PLXND1: variants seen among roughly 807,000 people sequenced by gnomAD.
PLXND1 encodes plexin-D1.
PLXND1 carries 54 observed loss-of-function variants against 197.7 expected under a neutral mutation model. That is an observed-to-expected ratio of 0.27 (90% CI 0.22 to 0.34). The LOEUF (loss-of-function observed/expected upper bound fraction) is 0.34, where lower values mean the gene tolerates loss of function less well. PLXND1 is among the 10% of genes least tolerant of loss of function. The pLI is 1.00. For synonymous variants in PLXND1, 1,180 were observed against 1,161.2 expected (o/e 1.02, Z -0.33); for missense variants, 2,127 against 2,699.2 (o/e 0.79, Z 4.70).
In PLXND1 at chr3:129,558,502, T is replaced by C; in HGVS notation, c.5371A>G (p.Ile1791Val). The C allele has an allele frequency of 1.2e-6, 2 of 1,613,970 alleles. No individual in the cohort carries two copies. Among genetic ancestry groups the C allele is most frequent in the South Asian group, 1.1e-5 (1 of 91,084 alleles). ...FVFDIDKTDH[I>V]DACLSVIAQA... Reference sequence around the variant, plus strand: ...GCGATGACTGAAAGGCAGGCGTCGATGTGGTCTGTCTTGTCGATGTCAAAG... The same window carrying C: ...GCGATGACTGAAAGGCAGGCGTCGACGTGGTCTGTCTTGTCGATGTCAAAG... The change falls in exon 33 of 36, where the codon ATC (isoleucine) becomes GTC (valine). Residue 1791 changes from isoleucine (I) to valine (V), a missense_variant. By Grantham distance (29) the Ile-to-Val change is conservative. This residue lies in a region of PLXND1 where 200 missense variants were observed against 303.3 expected (regional missense o/e 0.66). Coordinates refer to ENST00000324093, the MANE Select transcript of PLXND1 (RefSeq NM_015103.3). This position sits in a 1 kb window ranked among gnomAD's most constrained non-coding sequence, Gnocchi z 4.1.
Position 129,577,441 on chromosome 3 carries a change from T to A in PLXND1, c.2346+888A>T, listed in dbSNP as rs1385551261. 7.0e-6 allele frequency among the ~76,000 whole-genome samples: 1 copy of A among 142,748 alleles called. No individual in the cohort carries two copies. The highest frequency in any genetic ancestry group is 1.5e-5 in the Non-Finnish European group (1 of 64,940). 93.6% of individuals were successfully genotyped at this position (142,748 alleles called of 152,430 possible). On this transcript the variant is annotated intron_variant, in intron 9 of 35. Transcript: ENST00000324093. This position sits in a 1 kb window ranked among gnomAD's most constrained non-coding sequence, Gnocchi z 5.0. ...CCCCCTGGCTGATCCTGGAGGCGCT[T>A]GCCCCAACTCCTGCAGGGTGGGGCT...
chr3:129,572,426 C>CTGG (rs1203716635), intron 15 of PLXND1, among the ~76,000 whole-genome samples, 183 bp downstream of exon 15: 1 of 152,262 alleles, frequency 6.6e-6, no homozygotes, highest in Admixed American at 6.5e-5. Flanking sequence ...CTTCCAATTA[C>CTGG]TGGTACTATT....
intron 1 of PLXND1, among the ~76,000 whole-genome samples, chr3:129,599,634 C>T (rs897809620): frequency 2.6e-5 from 4 of 152,238 alleles, no homozygotes; most frequent in African/African-American, 9.6e-5. Context: ...CAGACAAATG[C>T]AACTAGAAGT....
chr3:129,567,713 C>T lies in PLXND1; in HGVS notation c.3958G>A (p.Glu1320Lys). Residue 1320 changes from glutamate (E) to lysine (K), a missense_variant, in exon 21 of 36, where the codon GAG (glutamate) becomes AAG (lysine). By Grantham distance (56) the Glu-to-Lys change is moderately conservative. Coordinates refer to ENST00000324093, the MANE Select transcript of PLXND1 (RefSeq NM_015103.3). ...CGCCCACTACCTTTGCGGATTTCCT[C>T]TCGGATCTGAGATTCCATCTCCTCC... is the stretch of plus-strand genomic sequence containing the variant. ...QMEEMESQIR[E>K]EIRKGFAELQ... 1 of 1,611,004 alleles carries T rather than the reference C, an allele frequency of 6.2e-7. No homozygotes were observed. Among genetic ancestry groups the T allele is most frequent in the Non-Finnish European group, 8.5e-7 (1 of 1,177,124 alleles).
chr3:129,556,205 G>A lies in PLXND1; in HGVS notation c.*107C>T. ...TCCTGCCCCCGCCCCAGCCGTCTCT[G>A]CTCAGTATTTCCCAGTCTGAGTCAC... is the stretch of plus-strand genomic sequence containing the variant. On this transcript the variant is annotated 3_prime_UTR_variant, in exon 36 of 36. Coordinates refer to ENST00000324093, the MANE Select transcript of PLXND1 (RefSeq NM_015103.3). 1.2e-6 allele frequency: 1 copy of A among 824,906 alleles called. No individual in the cohort carries two copies. Among genetic ancestry groups the A allele is most frequent in the Admixed American group, 1.8e-5 (1 of 54,706 alleles). The allele number at this position is 824,906 out of a possible 1,614,324, so 51.1% of individuals were successfully genotyped here.
intron 24 of PLXND1, 108 bp from the exon 25 acceptor site, chr3:129,565,646 G>C (rs1332435165): frequency 9.7e-7 from 1 of 1,032,480 alleles, no homozygotes; most frequent in Non-Finnish European, 1.4e-6. Context: ...AGGAGTGCCT[G>C]TGTGGGTGGG....
At chr3:129,588,616 T>C (rs1346590487) in intron 2 of PLXND1, among the ~76,000 whole-genome samples, 1 of 152,228 alleles carries the variant, frequency 6.6e-6, no homozygotes. Flanking sequence ...TGGGGGGGAC[T>C]TGGGTGATCA....
Position 129,562,932 on chromosome 3 carries a change from C to G in PLXND1, c.4680G>C (p.Val1560=). 1 of 1,603,604 alleles carries G rather than the reference C, an allele frequency of 6.2e-7. No individual in the cohort carries two copies. The highest frequency in any genetic ancestry group is 8.5e-7 in the Non-Finnish European group (1 of 1,171,108). ...NIEAKPRNLN[V]SFQGCGMDSL... is the part of the protein sequence containing the mutation. ...AGTCCATGCCACAGCCCTGGAAGGACACGTTCAGGTTCTGCAGGGGGAGAG... is the reference window on the plus strand; with the variant it reads ...AGTCCATGCCACAGCCCTGGAAGGAGACGTTCAGGTTCTGCAGGGGGAGAG... Residue 1560 remains valine (V), a synonymous_variant, in exon 27 of 36, where the codon GTG becomes GTC. Coordinates refer to ENST00000324093, the MANE Select transcript of PLXND1 (RefSeq NM_015103.3).
At chr3:129,585,392 C>T (rs779144024) in intron 5 of PLXND1, among the ~76,000 whole-genome samples, 60 of 152,348 alleles carry the variant, frequency 3.9e-4, no homozygotes, top group Non-Finnish European at 6.9e-4. Context: ...CCCAGAATCC[C>T]CCACCGCCAA....
chr3:129,564,109 C>T (rs922195793), intron 25 of PLXND1, among the ~76,000 whole-genome samples: 3 of 152,162 alleles, frequency 2.0e-5, no homozygotes, highest in South Asian at 2.1e-4. Flanking sequence ...TCCTGATGGC[C>T]CACAGTGAGG....
rs540116758 is a variant in PLXND1 at position 129,583,477 on chromosome 3, T to A, written c.2241+90A>T. 3.2e-5 allele frequency: 26 copies of A among 810,530 alleles called. No homozygotes were observed. The East Asian group carries it at 6.7e-4, about 21-fold the overall frequency. The allele number at this position is 810,530 out of a possible 1,614,324, so 50.2% of individuals were successfully genotyped here. ...TCAAAGCCAAAGCTAAGGCGGAATA[T>A]GCAAAGGCATTGAAACATTCTCAAC... is the stretch of plus-strand genomic sequence containing the variant. On this transcript the variant is annotated intron_variant, in intron 8 of 35. Coordinates refer to ENST00000324093, the MANE Select transcript of PLXND1 (RefSeq NM_015103.3).
rs941232718 is a variant in PLXND1 at position 129,565,269 on chromosome 3, C to T, written c.4521+71G>A. On this transcript the variant is annotated intron_variant, in intron 25 of 35. Coordinates refer to ENST00000324093, the MANE Select transcript of PLXND1 (RefSeq NM_015103.3). The stretch of plus-strand genomic sequence containing the variant: ...GGGTGCCAGGGAAGGCCTGGGAGGC[C>T]GTGGGGTCACTGCCGCTGAGTCCCT... 21 of 1,333,736 alleles carry T rather than the reference C, an allele frequency of 1.6e-5. No individual in the cohort carries two copies. In the East Asian group the frequency reaches 1.6e-4, roughly 10 times the overall value. 82.6% of individuals were successfully genotyped at this position (1,333,736 alleles called of 1,614,324 possible).
chr3:129,564,513 G>A (rs968887864), intron 25 of PLXND1, among the ~76,000 whole-genome samples: 13 of 152,176 alleles, frequency 8.5e-5, no homozygotes, highest in Non-Finnish European at 1.9e-4. Context: ...CAGAACATCC[G>A]AGGCCCCGGT....
At position 129,567,749 on chromosome 3, in the gene PLXND1, G is replaced by T; in HGVS notation, c.3922C>A (p.Leu1308Met). The T allele has an allele frequency of 6.2e-7, 1 of 1,613,686 alleles. No individual in the cohort carries two copies. The highest frequency in any genetic ancestry group is 8.5e-7 in the Non-Finnish European group (1 of 1,179,572). Residue 1308 changes from leucine to methionine, a missense_variant, in exon 21 of 36, where the codon CTG becomes ATG. Physicochemically the swap from Leu to Met is conservative, Grantham distance 15 (BLOSUM62 2). Coordinates refer to ENST00000324093, the MANE Select transcript of PLXND1 (RefSeq NM_015103.3). Reference sequence around the variant, plus strand: ...GATTCCATCTCCTCCATCTGCAGCAGCGTCTTCTGCCAGTAACGCTCAGCA... The same window carrying T: ...GATTCCATCTCCTCCATCTGCAGCATCGTCTTCTGCCAGTAACGCTCAGCA... ...RRAERYWQKT[L>M]LQMEEMESQI...
chr3:129,582,918 C>CA (rs2108787475), intron 8 of PLXND1, among the ~76,000 whole-genome samples: 1 of 152,334 alleles, frequency 6.6e-6, no homozygotes, highest in South Asian at 2.1e-4. Flanking sequence ...TAGGGACTGA[C>CA]ATGAGGACCT....
Position 129,565,953 on chromosome 3 carries a change from T to C in PLXND1, c.4256A>G (p.Asn1419Ser), listed in dbSNP as rs200894064. 1 of 1,614,126 alleles carries C rather than the reference T, an allele frequency of 6.2e-7. No individual in the cohort carries two copies. ...GISLFSSLLN[N>S]KHFLIVFVHA... ...GACAAAGACGATGAGGAAGTGCTTG[T>C]TGTTGAGTAGTGAGGAGAACAAGCT... is the stretch of plus-strand genomic sequence containing the variant. The change falls in exon 24 of 36, where the codon AAC (asparagine) becomes AGC (serine). Residue 1419 changes from asparagine to serine, a missense_variant. Physicochemically the swap from Asn to Ser is conservative, Grantham distance 46. Around this residue, in one of 6 missense-constraint regions of PLXND1, gnomAD observed 532 missense variants for 811.0 expected, o/e 0.66. Transcript: ENST00000324093.
chr3:129,584,434 G>A lies in PLXND1; in HGVS notation c.1980C>T (p.Tyr660=), dbSNP rs142709463. The A allele has an allele frequency of 3.5e-4, 558 of 1,613,790 alleles. 1 individual carries two copies. The African/African-American group carries it at 6.3e-3, about 18-fold the overall frequency. Residue 660 remains tyrosine (Y), a synonymous_variant, in exon 6 of 36, where the codon TAC becomes TAT. Transcript: ENST00000324093. ...ACTGGTCCCTCGGCAGGAGGTTGCAGTAGGCAATCTGGTGACCAAAGGCAG... is the reference window on the plus strand; with the variant it reads ...ACTGGTCCCTCGGCAGGAGGTTGCAATAGGCAATCTGGTGACCAAAGGCAG... ...PGPAFGHQIA[Y]CNLLPRDQFP... is the part of the protein sequence containing the mutation.
intron 8 of PLXND1, among the ~76,000 whole-genome samples, chr3:129,582,625 G>A (rs908104498): frequency 6.6e-6 from 1 of 152,180 alleles, no homozygotes; most frequent in African/African-American, 2.4e-5. Context: ...CAAGGTCCCA[G>A]GCATCCCATT....
Position 129,559,723 on chromosome 3 carries a change from T to C in PLXND1, c.5194A>G (p.Lys1732Glu). ...FKAILSIRED[K>E]PPLAVKYFFD... ...AAGTACTTGACAGCCAGTGGGGGCT[T>C]GTCTTCACGGATACTCAGAATGGCC... is the stretch of plus-strand genomic sequence containing the variant. Residue 1732 changes from lysine to glutamate, a missense_variant, in exon 32 of 36, where the codon AAG becomes GAG. By Grantham distance (56) the Lys-to-Glu change is moderately conservative (BLOSUM62 1). This residue lies in a region of PLXND1 where 200 missense variants were observed against 303.3 expected (regional missense o/e 0.66). Transcript: ENST00000324093. 6.2e-7 allele frequency: 1 copy of C among 1,613,230 alleles called. No individual in the cohort carries two copies. The highest frequency in any genetic ancestry group is 1.1e-5 in the South Asian group (1 of 90,986).
Sources: allele counts gnomAD v4.1 joint callset (sites outside exome capture counted in the v4.1 genomes callset), GRCh38; gene constraint gnomAD v4.1.1; regional missense constraint gnomAD v4.1.1; non-coding constraint Gnocchi (gnomAD v3.1); transcripts MANE v1.5; gene names NCBI Gene and HGNC (gene_info 2026-07-23, HGNC 2026-07-21).